COBL: variants seen among roughly 807,000 people sequenced by gnomAD.
The protein encoded by COBL is cordon-bleu WH2 repeat protein, also known as protein cordon-bleu.
Under a neutral mutation model 98.8 loss-of-function variants are expected in COBL, and 51 were observed. The observed-to-expected ratio is 0.52, with a 90% CI of 0.41 to 0.65. The LOEUF (loss-of-function observed/expected upper bound fraction) is 0.65, where lower values mean the gene tolerates loss of function less well. Among genes scored for constraint, COBL ranks in the 30% least tolerant of loss-of-function variants. COBL has a pLI of 0.00. For synonymous variants in COBL, 634 were observed against 651.7 expected (o/e 0.97, Z 0.41); for missense variants, 1,617 against 1,617.5 (o/e 1.00, Z 0.01).
At position 51,243,093 on chromosome 7, in the gene COBL, C is replaced by G. The variant is rs543171761; in HGVS notation, c.42-23149G>C. On this transcript the variant is annotated intron_variant, in intron 1 of 12. Coordinates refer to ENST00000265136, the MANE Select transcript of COBL (RefSeq NM_015198.5). ...TGGTGGCACTGCTTGGATGAGTGAG[C>G]CAGTCCCGTTGGTCCCACTAAGGAC... Among the ~76,000 whole-genome samples the G allele has an allele frequency of 2.0e-5, 3 of 152,288 alleles. No individual in the cohort carries two copies. The East Asian group carries it at 5.8e-4, about 29-fold the overall frequency.
chr7:51,164,961 T>C (rs1000224099), intron 5 of COBL, among the ~76,000 whole-genome samples: 1 of 152,000 alleles, frequency 6.6e-6, no homozygotes, highest in African/African-American at 2.4e-5. Flanking sequence ...GCAAGCCTCA[T>C]GGTAACTTCC....
intron 1 of COBL, among the ~76,000 whole-genome samples, chr7:51,224,052 A>G (rs2129094254): frequency 6.6e-6 from 1 of 152,290 alleles, no homozygotes. Context: ...CTATTGTGTT[A>G]CACTTGCCTA....
At position 51,040,697 on chromosome 7, in the gene COBL, G is replaced by A. The variant is rs577048228; in HGVS notation, c.1406+2686C>T. Reference sequence around the variant, plus strand: ...TCCATTGTAGGTCTATCAGGTTCCCGAACTCCCTCCCTCCCCACCACAGTA... The same window carrying A: ...TCCATTGTAGGTCTATCAGGTTCCCAAACTCCCTCCCTCCCCACCACAGTA... On this transcript the variant is annotated intron_variant, in intron 8 of 12. Coordinates refer to ENST00000265136, the MANE Select transcript of COBL (RefSeq NM_015198.5). Among the ~76,000 whole-genome samples, 8 of 152,154 alleles carry A rather than the reference G, an allele frequency of 5.3e-5. No individual in the cohort carries two copies. The South Asian group carries it at 1.0e-3, about 20-fold the overall frequency.
chr7:51,190,781 C>G (rs1416482743), intron 4 of COBL, 69 bp downstream of exon 4: 1 of 1,288,742 alleles, frequency 7.8e-7, no homozygotes, highest in East Asian at 2.4e-5. Flanking sequence ...GGAGAGCCAA[C>G]AGGGGACATG....
chr7:51,022,923 T>C (rs1361729847), intron 12 of COBL: 3 of 152,340 alleles, frequency 2.0e-5, no homozygotes, highest in East Asian at 1.9e-4. Flanking sequence ...TGCAGATTCA[T>C]AGGCTGAAAA....
At chr7:51,131,340 ATAAC>A (rs1311702988) in intron 6 of COBL, among the ~76,000 whole-genome samples, 2 of 152,268 alleles carry the variant, frequency 1.3e-5, no homozygotes, top group East Asian at 1.9e-4. Flanking sequence ...GAATAAATGA[ATAAC>A]TATGTATTAT....
intron 1 of COBL, among the ~76,000 whole-genome samples, chr7:51,234,342 G>A (rs1057432440): frequency 6.6e-6 from 1 of 152,210 alleles, no homozygotes; most frequent in African/African-American, 2.4e-5. Context: ...CTCAGGCACA[G>A]CCCTGCCCGG....
At chr7:51,025,807 C>A (rs1386889205) in intron 11 of COBL, among the ~76,000 whole-genome samples, 1 of 152,204 alleles carries the variant, frequency 6.6e-6, no homozygotes, top group Non-Finnish European at 1.5e-5. Flanking sequence ...TATCTTACCC[C>A]TGGACCTGAG....
chr7:51,029,365 G>A lies in COBL; in HGVS notation c.1731C>T (p.Asp577=). Residue 577 remains aspartate, a synonymous_variant, in exon 10 of 13, where the codon GAC becomes GAT. Transcript: ENST00000265136. ...GCTCAGCTTGAAGTGGCGCCAGGGA[G>A]TCTCTCCTGCTGGCAACACCCTCCG... ...FDSEGVASRR[D]SLAPLQAEHS... The A allele has an allele frequency of 6.2e-7, 1 of 1,608,202 alleles. No homozygotes were observed. The highest frequency in any genetic ancestry group is 8.5e-7 in the Non-Finnish European group (1 of 1,175,892).
chr7:51,301,778 A>G (rs947234119), intron 1 of COBL, among the ~76,000 whole-genome samples: 10 of 152,160 alleles, frequency 6.6e-5, no homozygotes, highest in East Asian at 1.9e-4. Flanking sequence ...TGTCCCCTCC[A>G]GTGGACTGCA....
rs528977041 is a variant in COBL, at chr7:51,081,032, G to C, written c.1096+4134C>G. Among the ~76,000 whole-genome samples, 6 of 152,310 alleles carry C rather than the reference G, an allele frequency of 3.9e-5. No individual in the cohort carries two copies. In the East Asian group the frequency reaches 1.2e-3, roughly 29 times the overall value. ...ATGGGCAGGCTGGTTCTGCTAATTAGCAACATAAAAGCTCCGAGATGCTTG... is the reference window on the plus strand; with the variant it reads ...ATGGGCAGGCTGGTTCTGCTAATTACCAACATAAAAGCTCCGAGATGCTTG... On this transcript the variant is annotated intron_variant, in intron 7 of 12. Transcript: ENST00000265136.
intron 5 of COBL, among the ~76,000 whole-genome samples, chr7:51,170,555 T>C (rs189466862): frequency 6.6e-4 from 98 of 147,736 alleles, no homozygotes; most frequent in African/African-American, 2.3e-3. Context: ...TACATATATA[T>C]ATGTCACATA....
At chr7:51,263,766 GTGC>G in intron 1 of COBL, among the ~76,000 whole-genome samples, 1 of 152,310 alleles carries the variant, frequency 6.6e-6, no homozygotes, top group East Asian at 1.9e-4. Flanking sequence ...TTATTGGATT[GTGC>G]TGCTGATAAT....
chr7:51,234,006 T>C (rs1489904187), intron 1 of COBL, among the ~76,000 whole-genome samples: 1 of 152,216 alleles, frequency 6.6e-6, no homozygotes, highest in African/African-American at 2.4e-5. Flanking sequence ...TAGGATGAAT[T>C]ATTCTACACT....
At chr7:51,081,260 G>T (rs936142938) in intron 7 of COBL, among the ~76,000 whole-genome samples, 8 of 152,222 alleles carry the variant, frequency 5.3e-5, no homozygotes, top group African/African-American at 1.9e-4. Context: ...GTGGGCATGA[G>T]AGGGGAAGAG....
chr7:51,089,324 G>C (rs962936152), intron 6 of COBL, among the ~76,000 whole-genome samples: 1 of 151,998 alleles, frequency 6.6e-6, no homozygotes, highest in African/African-American at 2.4e-5. Context: ...AGACCAGCCT[G>C]GTCAACATGG....
At chr7:51,212,179 T>C (rs1171561466) in intron 2 of COBL, among the ~76,000 whole-genome samples, 1 of 152,226 alleles carries the variant, frequency 6.6e-6, no homozygotes, top group Non-Finnish European at 1.5e-5. Context: ...AATAGAATTA[T>C]TATACTTCTT....
chr7:51,288,204 CG>C (rs1800550678), intron 1 of COBL, among the ~76,000 whole-genome samples: 1 of 151,948 alleles, frequency 6.6e-6, no homozygotes, highest in South Asian at 2.1e-4. Flanking sequence ...GAGGCCGAGG[CG>C]GGTGGATCAC....
chr7:51,123,881 AC>A (rs1562939248), intron 6 of COBL, among the ~76,000 whole-genome samples: 1 of 151,916 alleles, frequency 6.6e-6, no homozygotes, highest in African/African-American at 2.4e-5. Flanking sequence ...GTCACCCTGC[AC>A]CCCCCTCTGC....
Sources: allele counts gnomAD v4.1 joint callset (sites outside exome capture counted in the v4.1 genomes callset), GRCh38; gene constraint gnomAD v4.1.1; transcripts MANE v1.5; gene names NCBI Gene and HGNC (gene_info 2026-07-23, HGNC 2026-07-21).